Variants in TFCP2L1 observed in about 807,000 individuals in gnomAD.
The protein encoded by TFCP2L1 is transcription factor CP2 like 1, also known as transcription factor CP2-like protein 1.
TFCP2L1 carries 12 observed loss-of-function variants against 72.2 expected under a neutral mutation model. That is an observed-to-expected ratio of 0.17 (90% CI 0.11 to 0.27). The LOEUF is 0.27. Among genes scored for constraint, TFCP2L1 ranks in the 10% least tolerant of loss-of-function variants. The pLI is 1.00. For synonymous variants in TFCP2L1, 260 were observed against 251.0 expected (o/e 1.04, Z -0.34); for missense variants, 488 against 624.6 (o/e 0.78, Z 2.33).
intron 2 of TFCP2L1, among the ~76,000 whole-genome samples, chr2:121,262,608 C>T (rs1029928167): frequency 6.6e-6 from 1 of 152,202 alleles, no homozygotes; most frequent in Admixed American, 6.5e-5. Context: ...CCGGGAACAA[C>T]GGACAGTAGT....
At chr2:121,248,861 A>T in intron 4 of TFCP2L1, 121 bp downstream of exon 4, 1 of 687,590 alleles carries the variant, frequency 1.5e-6, no homozygotes, top group Non-Finnish European at 2.3e-6. Context: ...GCGGGGTTTT[A>T]CACAGAGCAG....
intron 2 of TFCP2L1, among the ~76,000 whole-genome samples, chr2:121,270,015 T>G (rs1179584120): frequency 1.3e-5 from 2 of 151,294 alleles, no homozygotes; most frequent in African/African-American, 4.9e-5. Flanking sequence ...TATTATAATA[T>G]CCCAAATATA....
intron 2 of TFCP2L1, among the ~76,000 whole-genome samples, chr2:121,265,669 A>G (rs546387595): frequency 6.6e-6 from 1 of 152,128 alleles, no homozygotes; most frequent in East Asian, 1.9e-4. Flanking sequence ...TTTTTAGTAG[A>G]GTCGGGGTTT....
chr2:121,270,047 T>A (rs970700320), intron 2 of TFCP2L1, among the ~76,000 whole-genome samples: 1 of 150,994 alleles, frequency 6.6e-6, no homozygotes, highest in Non-Finnish European at 1.5e-5. Context: ...TACAAATAAA[T>A]AAGGATGAAA....
At chr2:121,226,874 A>G (rs1686040759) in intron 13 of TFCP2L1, among the ~76,000 whole-genome samples, 1 of 152,222 alleles carries the variant, frequency 6.6e-6, no homozygotes, top group Admixed American at 6.5e-5. Flanking sequence ...AAATTTTCCT[A>G]CATTCTCCTA....
chr2:121,237,905 C>A, intron 8 of TFCP2L1, 55 bp from the exon 9 acceptor site: 2 of 1,595,146 alleles, frequency 1.3e-6, no homozygotes, highest in Non-Finnish European at 1.7e-6. Context: ...GGGCAATGGC[C>A]ACGGTCCCGG....
chr2:121,236,625 G>A (rs1330045554), intron 10 of TFCP2L1, among the ~76,000 whole-genome samples: 1 of 152,086 alleles, frequency 6.6e-6, no homozygotes, highest in Non-Finnish European at 1.5e-5. Flanking sequence ...CTTTCCACTG[G>A]GAGTAAAAGC....
intron 6 of TFCP2L1, among the ~76,000 whole-genome samples, chr2:121,242,721 G>A (rs1686403139): frequency 6.6e-6 from 1 of 152,214 alleles, no homozygotes; most frequent in Non-Finnish European, 1.5e-5. Context: ...TTATGAAAAG[G>A]AAGCTTGGGG....
At chr2:121,238,520 C>T (rs564126738) in intron 8 of TFCP2L1, among the ~76,000 whole-genome samples, 41 of 152,290 alleles carry the variant, frequency 2.7e-4, no homozygotes, top group African/African-American at 9.4e-4. Flanking sequence ...AGACTGCACA[C>T]TTAAAAATGG....
chr2:121,270,450 C>T (rs1275755314), intron 2 of TFCP2L1, among the ~76,000 whole-genome samples: 1 of 152,186 alleles, frequency 6.6e-6, no homozygotes, highest in East Asian at 1.9e-4. Flanking sequence ...GTCATGCTGG[C>T]AATTCTATTT....
chr2:121,246,582 G>T (rs1459847523), intron 6 of TFCP2L1, among the ~76,000 whole-genome samples: 1 of 152,224 alleles, frequency 6.6e-6, no homozygotes, highest in Non-Finnish European at 1.5e-5. Context: ...CGATGCTTCT[G>T]CCAGAAGCTG....
chr2:121,247,479 A>G (rs181962063), intron 5 of TFCP2L1, among the ~76,000 whole-genome samples: 1 of 152,280 alleles, frequency 6.6e-6, no homozygotes, highest in African/African-American at 2.4e-5. Flanking sequence ...CTGCAATATT[A>G]TAAGAATCCA....
Position 121,285,106 on chromosome 2 carries a change from G to T in TFCP2L1, c.4C>A (p.Leu2Ile). The change falls in exon 1 of 15, where the codon CTC (leucine) becomes ATC (isoleucine). Residue 2 changes from leucine (L) to isoleucine (I), a missense_variant. Physicochemically the swap from Leu to Ile is conservative, Grantham distance 5. Transcript: ENST00000263707. M[L>I]FWHTQPEHYN... Reference sequence around the variant, plus strand: ...TGCTCGGGCTGCGTGTGCCAGAAGAGCATGGCTGGAACTCCCAGCGCGCCG... The same window carrying T: ...TGCTCGGGCTGCGTGTGCCAGAAGATCATGGCTGGAACTCCCAGCGCGCCG... 6.6e-7 allele frequency: 1 copy of T among 1,510,648 alleles called. No homozygotes were observed. The highest frequency in any genetic ancestry group is 8.8e-7 in the Non-Finnish European group (1 of 1,130,070). 93.6% of individuals were successfully genotyped at this position (1,510,648 alleles called of 1,614,324 possible).
intron 6 of TFCP2L1, 77 bp from the exon 7 acceptor site, chr2:121,242,546 C>T: frequency 2.1e-6 from 3 of 1,418,536 alleles, no homozygotes; most frequent in Non-Finnish European, 3.0e-6. Context: ...CTGCTTCCCA[C>T]CTCACCCAGG....
chr2:121,279,296 C>T (rs1197709727), intron 2 of TFCP2L1, among the ~76,000 whole-genome samples: 4 of 152,230 alleles, frequency 2.6e-5, no homozygotes, highest in African/African-American at 7.2e-5. Flanking sequence ...GTTGGTAGCA[C>T]TTGACCTTCC....
rs746449580 is a variant in TFCP2L1, at chr2:121,222,792, T to C, written c.*1549A>G. On this transcript the variant is annotated 3_prime_UTR_variant, in exon 15 of 15. Transcript: ENST00000263707. ...TAAACTGAATGGCATGTGAATGACA[T>C]CTCAATAAAGCTGTTAGTTAACCCA... 2.0e-5 allele frequency: 3 copies of C among 150,152 alleles called. No individual in the cohort carries two copies. Among genetic ancestry groups the C allele is most frequent in the African/African-American group, 4.9e-5 (2 of 40,942 alleles). 9.3% of individuals were successfully genotyped at this position (150,152 alleles called of 1,614,324 possible). A position where few individuals can be genotyped will look rare whatever the true frequency, so the allele number is the denominator to read the frequency against.
chr2:121,234,129 T>C lies in TFCP2L1; in HGVS notation c.1160A>G (p.Gln387Arg), dbSNP rs147510204. 1.2e-6 allele frequency: 2 copies of C among 1,613,992 alleles called. No individual in the cohort carries two copies. Among genetic ancestry groups the C allele is most frequent in the Non-Finnish European group, 1.7e-6 (2 of 1,180,044 alleles). The part of the protein sequence containing the change: ...QELEQNRVPL[Q>R]QKRDGSGDSN... The stretch of plus-strand genomic sequence containing the variant: ...GTCTCCACTGCCGTCCCGCTTCTGC[T>C]GCAGGGGCACTCGATTCTGCTCCAG... Residue 387 changes from glutamine to arginine, a missense_variant, in exon 12 of 15, where the codon CAG becomes CGG. Transcript: ENST00000263707.
chr2:121,229,244 T>C (rs1686094028), intron 13 of TFCP2L1, among the ~76,000 whole-genome samples: 1 of 152,032 alleles, frequency 6.6e-6, no homozygotes, highest in Non-Finnish European at 1.5e-5. Flanking sequence ...CACACCTACA[T>C]ACACTAGGGC....
intron 2 of TFCP2L1, among the ~76,000 whole-genome samples, chr2:121,251,099 A>G (rs950491976): frequency 1.3e-5 from 2 of 151,748 alleles, no homozygotes; most frequent in Non-Finnish European, 2.9e-5. Context: ...ATCTCTACTA[A>G]AAATACAAAA....
Sources: allele counts gnomAD v4.1 joint callset (sites outside exome capture counted in the v4.1 genomes callset), GRCh38; gene constraint gnomAD v4.1.1; transcripts MANE v1.5; gene names NCBI Gene and HGNC (gene_info 2026-07-23, HGNC 2026-07-21).